The following UBR4 variants were observed in gnomAD, a reference collection of about 807,000 sequenced individuals.
The protein encoded by UBR4 is E3 ubiquitin-protein ligase UBR4.
A neutral mutation model predicts 575.6 loss-of-function variants in UBR4; 124 were observed. The ratio of observed to expected loss-of-function variants is 0.22; its 90% CI spans 0.19 to 0.25. The LOEUF is 0.25. Ranked by LOEUF, UBR4 falls within the 10% of genes least tolerant of loss-of-function variation. The probability of loss-of-function intolerance (pLI) is 1.00; values close to 1 mark genes in which losing one functional copy is unlikely to be tolerated. For missense variants in UBR4, 4,818 were observed against 6,478.8 expected (o/e 0.74, Z 8.80); for synonymous variants, 2,455 against 2,473.7 (o/e 0.99, Z 0.22).
intron 49 of UBR4, chr1:19,149,893 T>G: frequency 1.0e-6 from 1 of 973,590 alleles, no homozygotes. Flanking sequence ...GGATAGGGCA[T>G]CGGGGAAAAA....
Position 19,167,967 on chromosome 1 carries a change from C to T in UBR4, c.3899+60G>A, listed in dbSNP as rs989836853. 4 of 1,451,998 alleles carry T rather than the reference C, an allele frequency of 2.8e-6. 1 individual carries two copies. The Admixed American group carries it at 9.2e-5, about 33-fold the overall frequency. 89.9% of individuals were successfully genotyped at this position (1,451,998 alleles called of 1,614,324 possible). Reference sequence around the variant, plus strand: ...CATAGTTATAAAACTCTCACTGTCCCTCTTTAACCACAATAGAATACAGAC... The same window carrying T: ...CATAGTTATAAAACTCTCACTGTCCTTCTTTAACCACAATAGAATACAGAC... On this transcript the variant is annotated intron_variant, in intron 28 of 105. Transcript: ENST00000375254.
intron 81 of UBR4, among the ~76,000 whole-genome samples, chr1:19,109,002 T>G (rs1417630377): frequency 6.6e-6 from 1 of 152,202 alleles, no homozygotes; most frequent in Admixed American, 6.5e-5. Flanking sequence ...GCTGGGAATC[T>G]GGGGGGAAAT....
At chr1:19,140,488 G>C (rs2083748809) in intron 58 of UBR4, among the ~76,000 whole-genome samples, 2 of 152,224 alleles carry the variant, frequency 1.3e-5, no homozygotes, top group African/African-American at 4.8e-5. Context: ...CTCTGACAAA[G>C]AACGCTGGAA....
At chr1:19,090,647 A>G (rs866392021) in intron 97 of UBR4, among the ~76,000 whole-genome samples, 2 of 152,150 alleles carry the variant, frequency 1.3e-5, no homozygotes, top group African/African-American at 2.4e-5. Flanking sequence ...AGCTCCCAAC[A>G]GGCACAGGCG....
intron 47 of UBR4, 100 bp from the exon 48 acceptor site, chr1:19,151,959 T>G: frequency 1.8e-6 from 2 of 1,132,954 alleles, no homozygotes; most frequent in Non-Finnish European, 2.5e-6. Flanking sequence ...TGAAGCTCAT[T>G]AAAACTTATC....
chr1:19,088,051 G>A lies in UBR4; in HGVS notation c.14431-122C>T. On this transcript the variant is annotated intron_variant, in intron 98 of 105. Coordinates refer to ENST00000375254, the MANE Select transcript of UBR4 (RefSeq NM_020765.3). The surrounding 1 kb of genome is among the most constrained non-coding windows in gnomAD (Gnocchi z 4.0). ...CCACTAAAAGGACAGGTGCATGAGA[G>A]GAAAGCCCTTGAGCTGTCTTCTAAT... 1.4e-6 allele frequency: 1 copy of A among 711,134 alleles called. No individual in the cohort carries two copies. Among genetic ancestry groups the A allele is most frequent in the African/African-American group, 1.8e-5 (1 of 56,790 alleles). The allele number at this position is 711,134 out of a possible 1,614,324, so 44.1% of individuals were successfully genotyped here.
At chr1:19,150,041 A>G (rs1441787103) in intron 49 of UBR4, among the ~76,000 whole-genome samples, 1 of 152,230 alleles carries the variant, frequency 6.6e-6, no homozygotes, top group African/African-American at 2.4e-5. Flanking sequence ...ATGGCAAACC[A>G]GCAGCTACCT....
chr1:19,149,254 T>C (rs2085312387), intron 49 of UBR4, among the ~76,000 whole-genome samples: 1 of 152,232 alleles, frequency 6.6e-6, no homozygotes, highest in South Asian at 2.1e-4. Context: ...GGTTTACTCC[T>C]TTCAATTTAA....
intron 1 of UBR4, among the ~76,000 whole-genome samples, chr1:19,209,519 C>T (rs1381312155): frequency 2.6e-5 from 4 of 152,206 alleles, no homozygotes; most frequent in African/African-American, 9.6e-5. Context: ...AAAATGATCT[C>T]TCAGACACAC....
intron 26 of UBR4, among the ~76,000 whole-genome samples, chr1:19,170,222 A>G (rs1463442836): frequency 1.3e-5 from 2 of 152,170 alleles, no homozygotes; most frequent in Non-Finnish European, 2.9e-5. Flanking sequence ...ACATAGGAAG[A>G]CCTCATCTCT....
At chr1:19,176,829 G>T in intron 19 of UBR4, 102 bp from the exon 20 acceptor site, 1 of 1,294,428 alleles carries the variant, frequency 7.7e-7, no homozygotes, top group Non-Finnish European at 1.1e-6. Context: ...TTGGTAATCT[G>T]AATGTGGGTG....
rs1278347764 is a variant in UBR4 at position 19,114,732 on chromosome 1, AG to A, written c.11202+78del. On this transcript the variant is annotated intron_variant, in intron 75 of 105. Transcript: ENST00000375254. ...GAAGAAGGCTTAGGCTAGAAAGTAA[AG>A]TGCACTGCACTGCACCAGGTCTGCC... 6.5e-6 allele frequency: 10 copies of A among 1,537,430 alleles called. No homozygotes were observed. The African/African-American group carries it at 1.4e-4, about 21-fold the overall frequency.
rs2079040218 is a variant in UBR4 at position 19,105,066 on chromosome 1, C to T, written c.12627G>A (p.Val4209=). Residue 4209 remains valine, a synonymous_variant, in exon 85 of 106, where the codon GTG becomes GTA. Transcript: ENST00000375254. ...AGGATACCTTGGTGATGAGGTTGCCCACATAGGGTAGGACTCCCCGAGCTG... is the reference window on the plus strand; with the variant it reads ...AGGATACCTTGGTGATGAGGTTGCCTACATAGGGTAGGACTCCCCGAGCTG... ...YLAARGVLPY[V]GNLITKEIAR... is the part of the protein sequence containing the mutation. The T allele has an allele frequency of 6.2e-7, 1 of 1,613,832 alleles. No individual in the cohort carries two copies. Among genetic ancestry groups the T allele is most frequent in the Non-Finnish European group, 8.5e-7 (1 of 1,179,838 alleles).
rs1335142260 is a variant in UBR4, at chr1:19,152,148, G to A, written c.6996+165C>T. On this transcript the variant is annotated intron_variant, in intron 47 of 105. Coordinates refer to ENST00000375254, the MANE Select transcript of UBR4 (RefSeq NM_020765.3). The surrounding 1 kb of genome is among the most constrained non-coding windows in gnomAD (Gnocchi z 4.4). Reference sequence around the variant, plus strand: ...CCAACCTGTACAAGTCCTTTGCCAAGTGAGTAAGAATATCCATTTTTCTAA... The same window carrying A: ...CCAACCTGTACAAGTCCTTTGCCAAATGAGTAAGAATATCCATTTTTCTAA... Among the ~76,000 whole-genome samples, 2 of 152,204 alleles carry A rather than the reference G, an allele frequency of 1.3e-5. No individual in the cohort carries two copies. The highest frequency in any genetic ancestry group is 6.5e-5 in the Admixed American group (1 of 15,286).
intron 102 of UBR4, 181 bp from the exon 103 acceptor site, chr1:19,081,754 C>T (rs1158728940): frequency 1.3e-6 from 1 of 753,946 alleles, no homozygotes; most frequent in Admixed American, 2.0e-5. Context: ...CCACGCCCTT[C>T]GTCCCCTTCC....
Position 19,185,176 on chromosome 1 carries a change from G to A in UBR4, c.1861C>T (p.Pro621Ser), listed in dbSNP as rs1290234436. The change falls in exon 15 of 106, where the codon CCT (proline) becomes TCT (serine). Residue 621 changes from proline (P) to serine (S), a missense_variant. Transcript: ENST00000375254. Reference protein sequence around the residue: ...PPPPPPLESSPRVKSPSKQAP... With the variant: ...PPPPPPLESSSRVKSPSKQAP... Reference sequence around the variant, plus strand: ...TGCTTACTGGGGCTTTTAACCCGAGGAGAGCTTTCCAGTGGAGGAGGTGGG... The same window carrying A: ...TGCTTACTGGGGCTTTTAACCCGAGAAGAGCTTTCCAGTGGAGGAGGTGGG... 6.2e-7 allele frequency: 1 copy of A among 1,614,168 alleles called. No homozygotes were observed. The highest frequency in any genetic ancestry group is 8.5e-7 in the Non-Finnish European group (1 of 1,180,030).
chr1:19,201,128 G>C (rs1469051596), intron 2 of UBR4, among the ~76,000 whole-genome samples: 1 of 152,188 alleles, frequency 6.6e-6, no homozygotes, highest in Non-Finnish European at 1.5e-5. Flanking sequence ...GACAGAGCAA[G>C]ACCCTGTCTC....
intron 63 of UBR4, among the ~76,000 whole-genome samples, chr1:19,127,212 T>C (rs927217955): frequency 6.6e-6 from 1 of 152,224 alleles, no homozygotes; most frequent in Admixed American, 6.5e-5. Context: ...TCATTAAGAT[T>C]GGATGCAGTT....
At chr1:19,168,770 G>A (rs778885834) in intron 27 of UBR4, among the ~76,000 whole-genome samples, 2 of 152,204 alleles carry the variant, frequency 1.3e-5, no homozygotes, top group East Asian at 1.9e-4. Flanking sequence ...GAGGTCAGGC[G>A]ATCGAGACCA....
Sources: gnomAD v4.1 joint callset for allele counts (sites outside exome capture counted in the v4.1 genomes callset) on GRCh38, gnomAD v4.1.1 for gene constraint, Gnocchi (gnomAD v3.1) non-coding constraint, MANE v1.5 for transcripts, NCBI Gene and HGNC (gene_info 2026-07-23, HGNC 2026-07-21) for gene names.